Variants in ENDOV observed in about 807,000 individuals in gnomAD.
The protein encoded by ENDOV is hEndoV.
Under a neutral mutation model 39.4 loss-of-function variants are expected in ENDOV, and 37 were observed. That is an observed-to-expected ratio of 0.94 (90% CI 0.72 to 1.23). The LOEUF (loss-of-function observed/expected upper bound fraction) is 1.23. Ranked by LOEUF, ENDOV falls within the 50% of genes most tolerant of loss-of-function variation. The pLI is 0.00. For missense variants in ENDOV, 441 were observed against 375.7 expected, an observed-to-expected ratio of 1.17 and a Z score of -1.44; for synonymous variants, 186 against 163.4, an observed-to-expected ratio of 1.14 and a Z score of -1.05.
intron 9 of ENDOV, 84 bp downstream of exon 9, chr17:80,429,915 T>C: frequency 6.2e-7 from 1 of 1,608,286 alleles, no homozygotes; most frequent in Non-Finnish European, 8.5e-7. Context: ...GGGCAAGGAC[T>C]GGCAGTAGGG....
At chr17:80,424,740 G>A (rs777128947) in intron 5 of ENDOV, among the ~76,000 whole-genome samples, 5 of 152,214 alleles carry the variant, frequency 3.3e-5, no homozygotes, top group African/African-American at 9.7e-5. Context: ...TGGATCACGC[G>A]ATTAGGAGAT....
intron 7 of ENDOV, among the ~76,000 whole-genome samples, chr17:80,428,230 C>T (rs1366647802): frequency 9.9e-5 from 15 of 152,224 alleles, no homozygotes; most frequent in South Asian, 6.2e-4. Flanking sequence ...CCTCGGCTTG[C>T]GCAGAGCCTA....
At chr17:80,424,414 G>C in intron 5 of ENDOV, 1 of 399,392 alleles carries the variant, frequency 2.5e-6, no homozygotes, top group Non-Finnish European at 4.4e-6. Flanking sequence ...CCCATCACTG[G>C]GCAGTGGCGG....
At chr17:80,418,619 A>T (rs2081517818) in intron 2 of ENDOV, 1 of 152,234 alleles carries the variant, frequency 6.6e-6, no homozygotes, top group Non-Finnish European at 1.5e-5. Context: ...GAGCAGAATC[A>T]CCCAGAAGTG....
chr17:80,434,222 G>A (rs2083480089), intron 9 of ENDOV, among the ~76,000 whole-genome samples: 1 of 152,314 alleles, frequency 6.6e-6, no homozygotes, highest in Non-Finnish European at 1.5e-5. Flanking sequence ...TTTCTGTCTG[G>A]CTTCCTTCTC....
intron 7 of ENDOV, among the ~76,000 whole-genome samples, chr17:80,426,802 A>C (rs2082737204): frequency 6.6e-6 from 1 of 152,348 alleles, no homozygotes; most frequent in African/African-American, 2.4e-5. Flanking sequence ...GTGAGTTGGC[A>C]GCGGGGCGCC....
At position 80,437,571 on chromosome 17, in the gene ENDOV, G is replaced by A. The variant is rs2083633880; in HGVS notation, c.*1428G>A. 1 of 152,540 alleles carries A rather than the reference G, an allele frequency of 6.6e-6. No homozygotes were observed. The highest frequency in any genetic ancestry group is 2.4e-5 in the African/African-American group (1 of 41,462). The allele number at this position is 152,540 out of a possible 1,614,324, so 9.4% of individuals were successfully genotyped here. On this transcript the variant is annotated 3_prime_UTR_variant, in exon 10 of 10. Transcript: ENST00000518137. ...TTTGGGGTGCAGGTGTGTGCCAGGGGTCTTCAGCCCCGGCTGATGGCCACA... is the reference window on the plus strand; with the variant it reads ...TTTGGGGTGCAGGTGTGTGCCAGGGATCTTCAGCCCCGGCTGATGGCCACA...
rs1454625897 is a variant in ENDOV, at chr17:80,421,836, T to A, written c.237T>A (p.Tyr79Ter). The change falls in exon 3 of 10, where the codon TAT (tyrosine) becomes TAA (stop). Residue 79 changes from tyrosine (Y) to a stop codon, truncating the protein, a stop_gained. Coordinates refer to ENST00000518137, the MANE Select transcript of ENDOV (RefSeq NM_173627.5). LOFTEE classifies it high-confidence loss of function. ...TGCGTGCCTGGTGTCAGGTGGTGTA[T>A]GAGGAGAGCCGCATGGTCAGCCTCA... ...VLSFPELEVVYEESRMVSLTA... is the reference protein window; with the variant it reads ...VLSFPELEVV The A allele has an allele frequency of 6.3e-7, 1 of 1,597,396 alleles. No homozygotes were observed. The highest frequency in any genetic ancestry group is 8.5e-7 in the Non-Finnish European group (1 of 1,172,574).
At chr17:80,433,571 T>C (rs943444997) in intron 9 of ENDOV, among the ~76,000 whole-genome samples, 5 of 152,210 alleles carry the variant, frequency 3.3e-5, no homozygotes, top group Non-Finnish European at 5.9e-5. Context: ...GCCCTGGGGC[T>C]TCACTCCAAC....
In ENDOV at chr17:80,421,946, C is replaced by G. The variant is rs547186198; in HGVS notation, c.347C>G (p.Pro116Arg). Residue 116 changes from proline to arginine, a missense_variant, in exon 3 of 10, where the codon CCG becomes CGG. Pro to Arg is a moderately radical substitution (Grantham distance 103). Transcript: ENST00000518137. ...GTGCAGCAGCTGCGGGAGAAGGAGC[C>G]GGGCCTCATGCCCCAGGCAGGTGTC... ...ELVQQLREKEPGLMPQVLLVD... is the reference protein window; with the variant it reads ...ELVQQLREKERGLMPQVLLVD... 82 of 1,609,312 alleles carry G rather than the reference C, an allele frequency of 5.1e-5. No homozygotes were observed. Among genetic ancestry groups the G allele is most frequent in the Non-Finnish European group, 6.5e-5 (77 of 1,179,630 alleles).
At chr17:80,426,676 C>T (rs1041618707) in intron 7 of ENDOV, among the ~76,000 whole-genome samples, 16 of 152,276 alleles carry the variant, frequency 1.1e-4, no homozygotes, top group Middle Eastern at 3.4e-3. Flanking sequence ...AACAAAAACT[C>T]AGCAGGAAGG....
At position 80,415,173 on chromosome 17, in the gene ENDOV, A is replaced by T. The variant is rs41299330; in HGVS notation, c.-22A>T. On this transcript the variant is annotated 5_prime_UTR_variant, in exon 1 of 10. Transcript: ENST00000518137. ...AGTCGCTTCCGGAAGTGACGTGCGG[A>T]AGGGGTGCCCGGGACGAAGCCATGG... is the stretch of plus-strand genomic sequence containing the variant. 23 of 1,607,942 alleles carry T rather than the reference A, an allele frequency of 1.4e-5. No homozygotes were observed. Among genetic ancestry groups the T allele is most frequent in the South Asian group, 4.4e-5 (4 of 90,724 alleles).
intron 8 of ENDOV, 116 bp downstream of exon 8, chr17:80,428,776 C>T (rs2083045498): frequency 3.0e-6 from 3 of 1,012,368 alleles, no homozygotes; most frequent in South Asian, 3.1e-5. Context: ...ACAGACAGTG[C>T]AGGGCCAGGG....
intron 2 of ENDOV, 45 bp from the exon 3 acceptor site, chr17:80,421,783 T>A (rs777658809): frequency 1.0e-5 from 16 of 1,561,030 alleles, no homozygotes; most frequent in Non-Finnish European, 1.4e-5. Flanking sequence ...ATGGAGCAGG[T>A]GGCCGAAGGC....
chr17:80,423,785 C>T (rs2144975442), intron 5 of ENDOV, 153 bp downstream of exon 5: 1 of 720,814 alleles, frequency 1.4e-6, no homozygotes, highest in Non-Finnish European at 2.2e-6. Flanking sequence ...GACCTGCTTT[C>T]CTCTGGGTGC....
intron 3 of ENDOV, 76 bp from the exon 4 acceptor site, chr17:80,422,130 C>T: frequency 2.5e-6 from 4 of 1,596,912 alleles, no homozygotes; most frequent in Non-Finnish European, 3.4e-6. Context: ...GTGCCCCCTT[C>T]TTGCCTCAGG....
At chr17:80,429,967 C>A (rs749911920) in intron 9 of ENDOV, 136 bp downstream of exon 9, 1 of 1,552,906 alleles carries the variant, frequency 6.4e-7, no homozygotes, top group Non-Finnish European at 8.7e-7. Context: ...ACCGGCCACC[C>A]CGTTCTGGCC....
chr17:80,425,410 C>A, intron 6 of ENDOV, 82 bp from the exon 7 acceptor site: 1 of 1,509,968 alleles, frequency 6.6e-7, no homozygotes, highest in Non-Finnish European at 8.8e-7. Context: ...GACATTTTGT[C>A]AGAGCTCCAG....
At chr17:80,427,793 T>C in intron 7 of ENDOV, 2 of 1,289,048 alleles carry the variant, frequency 1.6e-6, no homozygotes, top group Non-Finnish European at 2.0e-6. Context: ...GCTGCGGCGC[T>C]CCTGGTTGCC....
Sources: allele counts gnomAD v4.1 joint callset (sites outside exome capture counted in the v4.1 genomes callset), GRCh38; gene constraint gnomAD v4.1.1; transcripts MANE v1.5; gene names NCBI Gene and HGNC (gene_info 2026-07-23, HGNC 2026-07-21).